The following DRC11 variants were observed in gnomAD, a reference collection of about 807,000 sequenced individuals.
The protein encoded by DRC11 is dynein regulatory complex subunit 11.
the DRC11 span, among the ~76,000 whole-genome samples, chr2:236,330,426 T>C: frequency 6.6e-6 from 1 of 152,224 alleles, no homozygotes; most frequent in African/African-American, 2.4e-5. The surrounding 1 kb of genome is among the most constrained non-coding windows in gnomAD (Gnocchi z 5.5). Context: ...GGGAAAAGAT[T>C]GCCAAGTTCT....
the DRC11 span, chr2:236,363,922 G>A: frequency 1.3e-5 from 21 of 1,613,832 alleles, no homozygotes; most frequent in South Asian, 2.2e-5. This position sits in a 1 kb window ranked among gnomAD's most constrained non-coding sequence, Gnocchi z 5.6. Flanking sequence ...TACCCCAGAC[G>A]GCCCGGCTAA....
chr2:236,357,344 A>ATC, the DRC11 span, among the ~76,000 whole-genome samples: 1 of 115,712 alleles, frequency 8.6e-6, no homozygotes, highest in African/African-American at 4.0e-5. Flanking sequence ...ATGAATATAT[A>ATC]TATTATATGT....
At chr2:236,388,430 A>G in the DRC11 span, among the ~76,000 whole-genome samples, 1 of 150,742 alleles carries the variant, frequency 6.6e-6, no homozygotes, top group East Asian at 2.0e-4. Context: ...CATTGCTGAT[A>G]CCCTTTCTTC....
At chr2:236,447,244 C>T in the DRC11 span, among the ~76,000 whole-genome samples, 3 of 151,618 alleles carry the variant, frequency 2.0e-5, no homozygotes, top group Non-Finnish European at 2.9e-5. This position sits in a 1 kb window ranked among gnomAD's most constrained non-coding sequence, Gnocchi z 4.6. Context: ...AGGATGCGAC[C>T]AGGTTGGAAA....
the DRC11 span, among the ~76,000 whole-genome samples, chr2:236,491,849 T>A: frequency 6.6e-6 from 1 of 152,058 alleles, no homozygotes; most frequent in Non-Finnish European, 1.5e-5. Context: ...GTTAAATGGG[T>A]GCTATGGTTT....
the DRC11 span, among the ~76,000 whole-genome samples, chr2:236,410,346 A>T: frequency 6.6e-6 from 1 of 152,084 alleles, no homozygotes; most frequent in Non-Finnish European, 1.5e-5. Flanking sequence ...GGGAGAGTGT[A>T]TGTGTCGAGG....
the DRC11 span, among the ~76,000 whole-genome samples, chr2:236,439,891 A>G: frequency 1.3e-5 from 2 of 152,182 alleles, no homozygotes; most frequent in South Asian, 4.1e-4. Flanking sequence ...TGGCTGTAAA[A>G]CTAGTATTAT....
chr2:236,459,581 GTATATACGTATACGTATACA>G, the DRC11 span, among the ~76,000 whole-genome samples: 3 of 140,868 alleles, frequency 2.1e-5, no homozygotes, highest in Admixed American at 7.0e-5. Context: ...GTATACATAC[GTATATACGTATACGTATACA>G]TATATACGTA....
At chr2:236,368,649 G>T in the DRC11 span, 1 of 191,720 alleles carries the variant, frequency 5.2e-6, no homozygotes, top group Non-Finnish European at 1.1e-5. Context: ...GAAATATAGG[G>T]GGCTCTGCTT....
chr2:236,490,971 T>C, the DRC11 span, among the ~76,000 whole-genome samples: 2 of 146,454 alleles, frequency 1.4e-5, no homozygotes, highest in African/African-American at 5.0e-5. This position sits in a 1 kb window ranked among gnomAD's most constrained non-coding sequence, Gnocchi z 5.5. Flanking sequence ...TATATGTGTA[T>C]ATATATACAG....
chr2:236,506,214 C>A, the DRC11 span, among the ~76,000 whole-genome samples: 1 of 152,202 alleles, frequency 6.6e-6, no homozygotes, highest in Non-Finnish European at 1.5e-5. This position sits in a 1 kb window ranked among gnomAD's most constrained non-coding sequence, Gnocchi z 4.9. Context: ...GTCTCCTCTT[C>A]CCCCAGCCTT....
At chr2:236,358,061 T>C in the DRC11 span, among the ~76,000 whole-genome samples, 5 of 119,996 alleles carry the variant, frequency 4.2e-5, no homozygotes, top group Non-Finnish European at 6.3e-5. Context: ...ATATATATTA[T>C]ATGAATATAT....
At chr2:236,385,139 C>T in the DRC11 span, among the ~76,000 whole-genome samples, 10 of 151,414 alleles carry the variant, frequency 6.6e-5, no homozygotes, top group South Asian at 2.1e-4. Flanking sequence ...GACTTGGCGA[C>T]GCGGGCTCTT....
the DRC11 span, among the ~76,000 whole-genome samples, chr2:236,395,115 T>C: frequency 3.0e-4 from 46 of 152,032 alleles, no homozygotes; most frequent in Non-Finnish European, 6.0e-4. Context: ...GGCCCAGGGA[T>C]TGGGGGCACA....
At chr2:236,393,285 A>G in the DRC11 span, among the ~76,000 whole-genome samples, 27 of 152,332 alleles carry the variant, frequency 1.8e-4, no homozygotes, top group South Asian at 2.9e-3. The surrounding 1 kb of genome is among the most constrained non-coding windows in gnomAD (Gnocchi z 4.7). Context: ...CTGAGGACCC[A>G]GGGCACAGAC....
At chr2:236,382,752 T>G in the DRC11 span, among the ~76,000 whole-genome samples, 2 of 152,214 alleles carry the variant, frequency 1.3e-5, no homozygotes, top group African/African-American at 4.8e-5. Context: ...ATTGATGATA[T>G]GTAGAAATAT....
At chr2:236,379,288 G>C in the DRC11 span, among the ~76,000 whole-genome samples, 2 of 132,384 alleles carry the variant, frequency 1.5e-5, no homozygotes, top group African/African-American at 6.2e-5. Context: ...CAGGACCAAG[G>C]GGAGGGAACC....
At chr2:236,358,579 T>G in the DRC11 span, among the ~76,000 whole-genome samples, 6 of 145,698 alleles carry the variant, frequency 4.1e-5, no homozygotes, top group Non-Finnish European at 7.6e-5. Context: ...CCAGTCTCCT[T>G]GAGTCTGTAT....
the DRC11 span, among the ~76,000 whole-genome samples, chr2:236,411,388 A>C: frequency 6.7e-6 from 1 of 150,242 alleles, no homozygotes; most frequent in Non-Finnish European, 1.5e-5. Flanking sequence ...TTAAAAAGTC[A>C]GGCAACAACA....
Sources: allele counts gnomAD v4.1 joint callset (sites outside exome capture counted in the v4.1 genomes callset), GRCh38; gene constraint gnomAD v4.1.1; non-coding constraint Gnocchi (gnomAD v3.1); transcripts MANE v1.5; gene names NCBI Gene and HGNC (gene_info 2026-07-23, HGNC 2026-07-21).